Variants in DENND1A observed in about 807,000 individuals in gnomAD.
The protein encoded by DENND1A is DENN domain containing 1A, also known as DENN domain-containing protein 1A.
A neutral mutation model predicts 113.7 loss-of-function variants in DENND1A; 51 were observed. The observed-to-expected ratio is 0.45, with a 90% CI of 0.36 to 0.57. The LOEUF (loss-of-function observed/expected upper bound fraction) is 0.57, where lower values mean the gene tolerates loss of function less well. Among genes scored for constraint, DENND1A ranks in the 20% least tolerant of loss-of-function variants. The probability of loss-of-function intolerance (pLI) is 0.00; values close to 1 mark genes in which losing one functional copy is unlikely to be tolerated. For synonymous variants in DENND1A, 565 were observed against 570.8 expected (o/e 0.99, Z 0.14); for missense variants, 1,258 against 1,395.9 (o/e 0.90, Z 1.57).
At chr9:123,412,620 G>A (rs1366576378) in intron 19 of DENND1A, among the ~76,000 whole-genome samples, 1 of 152,210 alleles carries the variant, frequency 6.6e-6, no homozygotes, top group African/African-American at 2.4e-5. Context: ...AAAACCAGTA[G>A]AGCACAGACT....
intron 2 of DENND1A, 91 bp downstream of exon 2, chr9:123,878,860 A>G: frequency 7.7e-7 from 1 of 1,293,702 alleles, no homozygotes; most frequent in Non-Finnish European, 1.1e-6. Context: ...AAGACAAATA[A>G]CAATTTACTC....
At chr9:123,794,884 G>A (rs1306124238) in intron 2 of DENND1A, among the ~76,000 whole-genome samples, 1 of 152,134 alleles carries the variant, frequency 6.6e-6, no homozygotes, top group Non-Finnish European at 1.5e-5. Context: ...ACCATGGAAT[G>A]CCAAGAAGGA....
intron 5 of DENND1A, among the ~76,000 whole-genome samples, chr9:123,707,375 C>A (rs2066291591): frequency 6.9e-6 from 1 of 145,716 alleles, no homozygotes; most frequent in South Asian, 2.2e-4. Context: ...GCCTGGGGAA[C>A]AAGAGCGTTA....
intron 11 of DENND1A, among the ~76,000 whole-genome samples, chr9:123,604,091 A>C (rs2060045732): frequency 6.6e-6 from 1 of 152,142 alleles, no homozygotes; most frequent in East Asian, 1.9e-4. Context: ...ATAAAGTTCA[A>C]ACTCTTTACT....
At chr9:123,697,177 C>A (rs888154212) in intron 5 of DENND1A, among the ~76,000 whole-genome samples, 1 of 152,206 alleles carries the variant, frequency 6.6e-6, no homozygotes, top group African/African-American at 2.4e-5. Context: ...ATTATGCACA[C>A]ATGCACATTT....
chr9:123,381,403 C>A lies in DENND1A; in HGVS notation c.*29G>T, dbSNP rs772031561. ...CAGCAGTGGACGGACCCTCGGGCCT[C>A]GGTGCATCCCCCACCCTCAGGGCCC... On this transcript the variant is annotated 3_prime_UTR_variant, in exon 24 of 24. Coordinates refer to ENST00000394215, the MANE Select transcript of DENND1A (RefSeq NM_001352964.2). This position sits in a 1 kb window ranked among gnomAD's most constrained non-coding sequence, Gnocchi z 4.7. The A allele has an allele frequency of 6.2e-7, 1 of 1,603,694 alleles. No homozygotes were observed. The highest frequency in any genetic ancestry group is 1.1e-5 in the South Asian group (1 of 90,310).
In DENND1A at chr9:123,534,769, T is replaced by C. The variant is rs545989461; in HGVS notation, c.993+22801A>G. Among the ~76,000 whole-genome samples, 5 of 152,372 alleles carry C rather than the reference T, an allele frequency of 3.3e-5. No individual in the cohort carries two copies. In the East Asian group the frequency reaches 7.7e-4, roughly 23 times the overall value. Reference sequence around the variant, plus strand: ...TATAAACCATTCATGTTAACTCTCCTGTGAAACGTCTGATCATATCTTTCC... The same window carrying C: ...TATAAACCATTCATGTTAACTCTCCCGTGAAACGTCTGATCATATCTTTCC... On this transcript the variant is annotated intron_variant, in intron 13 of 23. Coordinates refer to ENST00000394215, the MANE Select transcript of DENND1A (RefSeq NM_001352964.2).
At chr9:123,906,525 T>C (rs1360341925) in intron 1 of DENND1A, among the ~76,000 whole-genome samples, 9 of 56,902 alleles carry the variant, frequency 1.6e-4, no homozygotes, top group Non-Finnish European at 2.6e-4. Context: ...ATAAAGGGGA[T>C]ATCACCACCG....
chr9:123,450,624 C>G, intron 18 of DENND1A, 69 bp downstream of exon 18: 1 of 1,327,630 alleles, frequency 7.5e-7, no homozygotes, highest in Non-Finnish European at 1.1e-6. Context: ...TATTGATCCC[C>G]TCATACTTTT....
chr9:123,527,415 T>G (rs2054930846), intron 13 of DENND1A, among the ~76,000 whole-genome samples: 1 of 152,234 alleles, frequency 6.6e-6, no homozygotes, highest in African/African-American at 2.4e-5. Context: ...ATGATGTAGC[T>G]TATAAGGTCC....
intron 12 of DENND1A, among the ~76,000 whole-genome samples, chr9:123,576,861 A>G (rs1047114405): frequency 8.5e-5 from 13 of 152,204 alleles, no homozygotes; most frequent in African/African-American, 2.4e-4. Context: ...GTCTCTGGCA[A>G]TAAGTCTGCT....
At chr9:123,546,501 T>G (rs878862067) in intron 13 of DENND1A, among the ~76,000 whole-genome samples, 6 of 151,328 alleles carry the variant, frequency 4.0e-5, no homozygotes, top group African/African-American at 7.3e-5. Context: ...GCAGTGAGCC[T>G]AGATCGCACC....
At chr9:123,402,121 T>A (rs948859382) in intron 21 of DENND1A, among the ~76,000 whole-genome samples, 1 of 152,206 alleles carries the variant, frequency 6.6e-6, no homozygotes, top group African/African-American at 2.4e-5. Flanking sequence ...GCAATCATAA[T>A]CCATCCCTCA....
At chr9:123,464,460 C>T (rs558836838) in intron 13 of DENND1A, among the ~76,000 whole-genome samples, 26 of 152,248 alleles carry the variant, frequency 1.7e-4, no homozygotes, top group African/African-American at 5.8e-4. Context: ...GAAGACATTA[C>T]GTGAAGTGAA....
intron 21 of DENND1A, chr9:123,401,121 C>T (rs373330475): frequency 6.6e-6 from 1 of 152,504 alleles, no homozygotes; most frequent in East Asian, 1.9e-4. Flanking sequence ...GCCAGCCTGG[C>T]TTCTCACATC....
At chr9:123,774,371 G>A (rs1489861815) in intron 3 of DENND1A, among the ~76,000 whole-genome samples, 2 of 152,060 alleles carry the variant, frequency 1.3e-5, no homozygotes, top group Non-Finnish European at 2.9e-5. Context: ...AGCTCACAAA[G>A]GTTTTAAATG....
chr9:123,877,879 G>A (rs1427056528), intron 2 of DENND1A, among the ~76,000 whole-genome samples: 2 of 152,006 alleles, frequency 1.3e-5, no homozygotes, highest in African/African-American at 2.4e-5. Context: ...GTTAAACAAA[G>A]GTGTTGTCTA....
chr9:123,847,875 A>T (rs1842827756), intron 2 of DENND1A, among the ~76,000 whole-genome samples: 1 of 152,218 alleles, frequency 6.6e-6, no homozygotes, highest in East Asian at 1.9e-4. Context: ...CGGAGGTTGC[A>T]GTGAGCCGAG....
chr9:123,626,265 C>A (rs974224574), intron 10 of DENND1A, among the ~76,000 whole-genome samples: 1 of 151,940 alleles, frequency 6.6e-6, no homozygotes, highest in East Asian at 1.9e-4. Context: ...CTGTGGAAGA[C>A]CCTGAGACAT....
Sources: allele counts gnomAD v4.1 joint callset (sites outside exome capture counted in the v4.1 genomes callset), GRCh38; gene constraint gnomAD v4.1.1; non-coding constraint Gnocchi (gnomAD v3.1); transcripts MANE v1.5; gene names NCBI Gene and HGNC (gene_info 2026-07-23, HGNC 2026-07-21).